PON3: variants seen among roughly 807,000 people sequenced by gnomAD.
PON3 encodes paraoxonase 3, also known as serum paraoxonase/lactonase 3.
A neutral mutation model predicts 36.3 loss-of-function variants in PON3; 37 were observed. The ratio of observed to expected loss-of-function variants is 1.02; its 90% CI spans 0.78 to 1.34. The LOEUF is 1.34. PON3 is among the 40% of genes most tolerant of loss of function. PON3 has a pLI of 0.00. For missense variants in PON3, 415 were observed against 426.5 expected (o/e 0.97, Z 0.24); for synonymous variants, 155 against 154.8 (o/e 1.00, Z -0.01).
intron 6 of PON3, chr7:95,363,594 A>G: frequency 2.1e-6 from 1 of 487,772 alleles, no homozygotes; most frequent in Non-Finnish European, 3.7e-6. Flanking sequence ...TGTGTTAGGA[A>G]AGTGTGTTTC....
chr7:95,394,400 T>C lies in PON3; in HGVS notation c.145+244A>G, dbSNP rs182438955. ...ATTCAGTGAGGGGAAAACCAGGGAG[T>C]GGTCAATGACATTCTTTAGGTAATG... On this transcript the variant is annotated intron_variant, in intron 2 of 8. Coordinates refer to ENST00000265627, the MANE Select transcript of PON3 (RefSeq NM_000940.3). Among the ~76,000 whole-genome samples the C allele has an allele frequency of 6.3e-3, 953 of 151,262 alleles. 9 individuals are homozygous for C. The highest frequency in any genetic ancestry group is 0.022 in the African/African-American group (901 of 41,130).
intron 5 of PON3, chr7:95,364,518 T>C: frequency 4.1e-6 from 1 of 241,082 alleles, no homozygotes; most frequent in Non-Finnish European, 8.1e-6. Flanking sequence ...GGATGGAAGA[T>C]TTTAAGAACC....
chr7:95,379,348 C>G (rs1808991301), intron 3 of PON3, among the ~76,000 whole-genome samples: 1 of 152,202 alleles, frequency 6.6e-6, no homozygotes, highest in African/African-American at 2.4e-5. Context: ...GCTTGTCAGA[C>G]AGTGGGTGCA....
intron 5 of PON3, among the ~76,000 whole-genome samples, chr7:95,366,369 C>A (rs1336679660): frequency 1.3e-5 from 2 of 152,200 alleles, no homozygotes; most frequent in African/African-American, 4.8e-5. Flanking sequence ...GAACCCCATA[C>A]GGTGCATTAG....
At chr7:95,377,255 G>A (rs979000259) in intron 3 of PON3, among the ~76,000 whole-genome samples, 11 of 152,216 alleles carry the variant, frequency 7.2e-5, no homozygotes, top group Non-Finnish European at 1.2e-4. Context: ...TGTAAACAAA[G>A]AGGCCGGGAA....
intron 6 of PON3, 174 bp downstream of exon 6, chr7:95,363,689 G>A (rs1808626870): frequency 1.4e-6 from 1 of 696,988 alleles, no homozygotes; most frequent in African/African-American, 1.8e-5. Context: ...TAAAGTCCAA[G>A]GAAACAAATG....
chr7:95,382,121 G>T (rs1343283630), intron 3 of PON3, among the ~76,000 whole-genome samples: 2 of 152,250 alleles, frequency 1.3e-5, no homozygotes, highest in Non-Finnish European at 2.9e-5. Flanking sequence ...ATAATGAAAT[G>T]AAGGCAGAAA....
At chr7:95,383,185 T>G (rs1809101707) in intron 3 of PON3, among the ~76,000 whole-genome samples, 1 of 152,074 alleles carries the variant, frequency 6.6e-6, no homozygotes, top group Non-Finnish European at 1.5e-5. Flanking sequence ...ATAAATTAGG[T>G]ATTGATGGGA....
At chr7:95,381,268 T>C (rs1809047171) in intron 3 of PON3, among the ~76,000 whole-genome samples, 1 of 152,124 alleles carries the variant, frequency 6.6e-6, no homozygotes, top group African/African-American at 2.4e-5. Flanking sequence ...GTAAAGACCA[T>C]CGAGGCTAGG....
intron 3 of PON3, 30 bp downstream of exon 3, chr7:95,390,124 G>T (rs1809286701): frequency 2.5e-6 from 4 of 1,571,580 alleles, no homozygotes; most frequent in Non-Finnish European, 3.5e-6. Context: ...CTATTGATGT[G>T]AGCATGAGAG....
chr7:95,363,914 A>T lies in PON3; in HGVS notation c.644T>A (p.Val215Glu), dbSNP rs1214648193. ...ATTGGCACTACAAAATCCTTTGGCCACCACTTTAACCTCCCTTGGGCTGTA... is the reference window on the plus strand; with the variant it reads ...ATTGGCACTACAAAATCCTTTGGCCTCCACTTTAACCTCCCTTGGGCTGTA... ...LFYSPREVKVVAKGFCSANGI... is the reference protein window; with the variant it reads ...LFYSPREVKVEAKGFCSANGI... The change falls in exon 6 of 9, where the codon GTG becomes GAG. Residue 215 changes from valine to glutamate, a missense_variant. Transcript: ENST00000265627. 1 of 1,613,800 alleles carries T rather than the reference A, an allele frequency of 6.2e-7. No individual in the cohort carries two copies. The highest frequency in any genetic ancestry group is 1.1e-5 in the South Asian group (1 of 91,076).
At chr7:95,389,139 A>T (rs1330496919) in intron 3 of PON3, among the ~76,000 whole-genome samples, 1 of 152,150 alleles carries the variant, frequency 6.6e-6, no homozygotes, top group South Asian at 2.1e-4. Flanking sequence ...CAAGGAAAAA[A>T]CTTTTCTAGA....
chr7:95,380,692 T>C (rs900607801), intron 3 of PON3, among the ~76,000 whole-genome samples: 3 of 152,102 alleles, frequency 2.0e-5, no homozygotes, highest in Non-Finnish European at 1.5e-5. Context: ...CCAAGAAATA[T>C]GGGACTATGT....
At chr7:95,379,410 C>T (rs1022913452) in intron 3 of PON3, among the ~76,000 whole-genome samples, 1 of 152,264 alleles carries the variant, frequency 6.6e-6, no homozygotes, top group Non-Finnish European at 1.5e-5. Context: ...TGAGGCATCA[C>T]CTCAGCCGGG....
chr7:95,372,105 G>C, intron 4 of PON3, 68 bp downstream of exon 4: 1 of 1,510,274 alleles, frequency 6.6e-7, no homozygotes, highest in Non-Finnish European at 9.2e-7. Flanking sequence ...CATAAATATT[G>C]AGGGGCTGGA....
chr7:95,394,789 C>G (rs971141449), intron 1 of PON3, 75 bp from the exon 2 acceptor site: 3 of 1,170,660 alleles, frequency 2.6e-6, no homozygotes, highest in African/African-American at 1.5e-5. Context: ...GGACTTCAAT[C>G]ATCTTCGTGT....
intron 3 of PON3, among the ~76,000 whole-genome samples, chr7:95,387,726 C>G (rs1455619966): frequency 6.6e-6 from 1 of 152,200 alleles, no homozygotes; most frequent in African/African-American, 2.4e-5. Context: ...TACCTGACTT[C>G]AAACTATACT....
intron 3 of PON3, among the ~76,000 whole-genome samples, chr7:95,372,756 G>C (rs1808836527): frequency 6.6e-6 from 1 of 152,130 alleles, no homozygotes; most frequent in African/African-American, 2.4e-5. Context: ...CCTCAAAGCA[G>C]AGAGAAGGGG....
Position 95,359,943 on chromosome 7 carries a change from C to CTTTTT in PON3, c.*25_*29dup. 2.7e-6 allele frequency: 4 copies of CTTTTT among 1,464,984 alleles called. No individual in the cohort carries two copies. The highest frequency in any genetic ancestry group is 4.7e-5 in the East Asian group (2 of 42,316). The allele number at this position is 1,464,984 out of a possible 1,614,324, so 90.7% of individuals were successfully genotyped here. On this transcript the variant is annotated 3_prime_UTR_variant, in exon 9 of 9. Coordinates refer to ENST00000265627, the MANE Select transcript of PON3 (RefSeq NM_000940.3). ...AGTTTACTTTTACAAAATATGTAGA[C>CTTTTT]TTTTTTTTTTTTTTTTTACTATCTA... is the stretch of plus-strand genomic sequence containing the variant.
Sources: gnomAD v4.1 joint callset for allele counts (sites outside exome capture counted in the v4.1 genomes callset) on GRCh38, gnomAD v4.1.1 for gene constraint, MANE v1.5 for transcripts, NCBI Gene and HGNC (gene_info 2026-07-23, HGNC 2026-07-21) for gene names.